SORBS2: variants seen among roughly 807,000 people sequenced by gnomAD.
The protein encoded by SORBS2 is sorbin and SH3 domain containing 2.
SORBS2 carries 46 observed loss-of-function variants against 97.7 expected under a neutral mutation model. That is an observed-to-expected ratio of 0.47 (90% CI 0.37 to 0.60). The LOEUF (loss-of-function observed/expected upper bound fraction) is 0.60. Among genes scored for constraint, SORBS2 ranks in the 20% least tolerant of loss-of-function variants. The pLI is 0.00. For synonymous variants in SORBS2, 476 were observed against 473.4 expected (o/e 1.01, Z -0.07); for missense variants, 1,316 against 1,282.3 (o/e 1.03, Z -0.40).
At chr4:185,839,569 G>T (rs1369214556) in intron 1 of SORBS2, among the ~76,000 whole-genome samples, 4 of 152,160 alleles carry the variant, frequency 2.6e-5, no homozygotes, top group Non-Finnish European at 1.5e-5. Context: ...AGGAGGCCTG[G>T]GGAGAGCTTA....
rs528583066 is a variant in SORBS2, at chr4:185,845,005, A to G, written c.-337-69639T>C. ...CTTAGTGGGTATGGGGTTTTTAGGG[A>G]TGATGAAAATGCTTTTTTTTTTTTT... On this transcript the variant is annotated intron_variant, in intron 1 of 20. Coordinates refer to the SORBS2 transcript ENST00000284776. Among the ~76,000 whole-genome samples the G allele has an allele frequency of 3.3e-5, 5 of 149,432 alleles. No homozygotes were observed. In the East Asian group the frequency reaches 9.8e-4, roughly 29 times the overall value.
chr4:185,854,500 A>T (rs1182399335), intron 1 of SORBS2, among the ~76,000 whole-genome samples: 1 of 152,176 alleles, frequency 6.6e-6, no homozygotes, highest in Non-Finnish European at 1.5e-5. Context: ...CACATATGGG[A>T]TATTCTTAGC....
chr4:185,842,853 T>C (rs2099212410), intron 1 of SORBS2, among the ~76,000 whole-genome samples: 1 of 148,278 alleles, frequency 6.7e-6, no homozygotes, highest in African/African-American at 2.5e-5. Flanking sequence ...GGGAATCGCT[T>C]GGGCCCAGGA....
Position 185,678,784 on chromosome 4 carries a change from T to C in SORBS2, c.-171+12A>G. The C allele has an allele frequency of 6.9e-7, 1 of 1,453,244 alleles. No homozygotes were observed. The highest frequency in any genetic ancestry group is 9.2e-7 in the Non-Finnish European group (1 of 1,092,554). The allele number at this position is 1,453,244 out of a possible 1,614,324, so 90.0% of individuals were successfully genotyped here. On this transcript the variant is annotated intron_variant, in intron 3 of 20. Coordinates refer to the SORBS2 transcript ENST00000284776. ...AATAATATAATAATTATTCAGAATA[T>C]TTTTTCTGTACCTGAGTCTGGTGAC...
At chr4:185,904,837 G>A (rs1351906307) in intron 1 of SORBS2, among the ~76,000 whole-genome samples, 1 of 152,228 alleles carries the variant, frequency 6.6e-6, no homozygotes, top group African/African-American at 2.4e-5. Context: ...GGGCGCAGTG[G>A]CTCATGCCTG....
At chr4:185,681,834 G>A (rs186584502) in intron 2 of SORBS2, among the ~76,000 whole-genome samples, 122 of 152,164 alleles carry the variant, frequency 8.0e-4, no homozygotes, top group Non-Finnish European at 1.4e-3. Flanking sequence ...GACAGCTTTC[G>A]TGTAGCTGTG....
chr4:185,871,279 C>T (rs1004818735), intron 1 of SORBS2, among the ~76,000 whole-genome samples: 48 of 151,998 alleles, frequency 3.2e-4, no homozygotes, highest in African/African-American at 1.1e-3. Context: ...CCGAGAATAC[C>T]GAGGACATGA....
At chr4:185,816,530 C>A (rs926528470) in intron 1 of SORBS2, among the ~76,000 whole-genome samples, 2 of 152,176 alleles carry the variant, frequency 1.3e-5, no homozygotes, top group Non-Finnish European at 2.9e-5. Flanking sequence ...GGAAATGTGA[C>A]AACTGACTTA....
At chr4:185,832,031 A>G (rs767096045) in intron 1 of SORBS2, among the ~76,000 whole-genome samples, 8 of 152,240 alleles carry the variant, frequency 5.3e-5, no homozygotes, top group Non-Finnish European at 1.0e-4. Flanking sequence ...TGGTTTTAAT[A>G]TGATCAATCC....
rs75847387 is a variant in SORBS2, at chr4:185,874,364, C to A, written c.-338+81832G>T. Among the ~76,000 whole-genome samples, 7 of 152,110 alleles carry A rather than the reference C, an allele frequency of 4.6e-5. No individual in the cohort carries two copies. In the South Asian group the frequency reaches 1.5e-3, roughly 32 times the overall value. Reference sequence around the variant, plus strand: ...ATATAACCCAATGGTTTTATGAAGGCGGTGAAATTACAGAGAATCTGTTCA... The same window carrying A: ...ATATAACCCAATGGTTTTATGAAGGAGGTGAAATTACAGAGAATCTGTTCA... On this transcript the variant is annotated intron_variant, in intron 1 of 20. Transcript: ENST00000284776.
chr4:185,769,277 G>A (rs1044672477), intron 2 of SORBS2, among the ~76,000 whole-genome samples: 1 of 152,150 alleles, frequency 6.6e-6, no homozygotes, highest in Non-Finnish European at 1.5e-5. Flanking sequence ...ATAGCCTGAA[G>A]GTAATTTTAT....
intron 12 of SORBS2, 43 bp from the exon 25 acceptor site, chr4:185,593,978 T>A (rs778118384): frequency 2.3e-6 from 3 of 1,298,334 alleles, no homozygotes; most frequent in Non-Finnish European, 3.4e-6. Context: ...TTTAAACTGG[T>A]ACTAATTAAA....
intron 2 of SORBS2, among the ~76,000 whole-genome samples, chr4:185,693,834 A>G (rs748921868): frequency 2.6e-5 from 4 of 152,260 alleles, no homozygotes. Flanking sequence ...TATTTACAGA[A>G]TATCTAACAC....
At chr4:185,895,107 C>T (rs2099244386) in intron 1 of SORBS2, among the ~76,000 whole-genome samples, 1 of 152,204 alleles carries the variant, frequency 6.6e-6, no homozygotes, top group African/African-American at 2.4e-5. Context: ...ATCCATGACA[C>T]AGACAAGAAA....
rs376607323 is a variant in SORBS2, at chr4:185,758,141, C to T, written c.-198+17086G>A. Among the ~76,000 whole-genome samples the T allele has an allele frequency of 2.9e-4, 44 of 152,160 alleles. 1 individual carries two copies. Among genetic ancestry groups the T allele is most frequent in the African/African-American group, 9.9e-4 (41 of 41,444 alleles). On this transcript the variant is annotated intron_variant, in intron 2 of 20. Coordinates refer to the SORBS2 transcript ENST00000284776. ...GATGAAGAAACTCTCGGGTCCTAAC[C>T]GATAATTTCACATACCTAGTAAATC...
At chr4:185,736,352 T>C (rs1416890820) in intron 2 of SORBS2, among the ~76,000 whole-genome samples, 2 of 152,204 alleles carry the variant, frequency 1.3e-5, no homozygotes, top group Non-Finnish European at 2.9e-5. Context: ...AGCAAATTGA[T>C]GTTCTCATTT....
intron 8 of SORBS2, among the ~76,000 whole-genome samples, chr4:185,619,215 G>T: frequency 6.6e-6 from 1 of 152,196 alleles, no homozygotes; most frequent in East Asian, 1.9e-4. Flanking sequence ...TCTTTTAGTT[G>T]TGATGTGATG....
At position 185,893,646 on chromosome 4, in the gene SORBS2, C is replaced by T. The variant is rs1579355083; in HGVS notation, c.-338+62550G>A. Among the ~76,000 whole-genome samples the T allele has an allele frequency of 2.0e-5, 3 of 152,266 alleles. No homozygotes were observed. The South Asian group carries it at 6.2e-4, about 32-fold the overall frequency. ...AACATGCCCATGGACATGGGAGTCC[C>T]ACAAACATGAGACTCAAAAAAGGGT... is the stretch of plus-strand genomic sequence containing the variant. On this transcript the variant is annotated intron_variant, in intron 1 of 20. Transcript: ENST00000284776.
chr4:185,723,886 G>T (rs74984681), intron 2 of SORBS2, among the ~76,000 whole-genome samples: 1 of 152,104 alleles, frequency 6.6e-6, no homozygotes. Flanking sequence ...CCACGTGGCA[G>T]CTACATATTT....
Sources: gnomAD v4.1 joint callset for allele counts (sites outside exome capture counted in the v4.1 genomes callset) on GRCh38, gnomAD v4.1.1 for gene constraint, MANE v1.5 for transcripts, NCBI Gene and HGNC (gene_info 2026-07-23, HGNC 2026-07-21) for gene names.